Variants in CEP128 observed in about 807,000 individuals in gnomAD.
CEP128 encodes the protein centrosomal protein 128kDa.
CEP128 carries 132 observed loss-of-function variants against 156.7 expected under a neutral mutation model. The observed-to-expected ratio is 0.84, with a 90% CI of 0.73 to 0.97. CEP128 has a LOEUF of 0.97. Among genes scored for constraint, CEP128 ranks in the 50% least tolerant of loss-of-function variants. CEP128 has a pLI of 0.00. For synonymous variants in CEP128, 469 were observed against 448.9 expected, an observed-to-expected ratio of 1.04 and a Z score of -0.57; for missense variants, 1,252 against 1,281.9, an observed-to-expected ratio of 0.98 and a Z score of 0.36.
At chr14:80,530,578 T>C (rs2140275775) in intron 22 of CEP128, among the ~76,000 whole-genome samples, 1 of 152,346 alleles carries the variant, frequency 6.6e-6, no homozygotes, top group South Asian at 2.1e-4. Context: ...ACTGAGCTTC[T>C]AGTAGTACAG....
intron 19 of CEP128, among the ~76,000 whole-genome samples, chr14:80,714,307 C>G (rs1370256565): frequency 6.6e-6 from 1 of 151,884 alleles, no homozygotes. Flanking sequence ...AAAACACACA[C>G]ACATACACAC....
intron 16 of CEP128, among the ~76,000 whole-genome samples, chr14:80,773,588 ATTTT>A (rs900033598): frequency 4.6e-5 from 7 of 152,196 alleles, no homozygotes; most frequent in Admixed American, 2.0e-4. Flanking sequence ...TTGCAAACGA[ATTTT>A]TTTAATTACA....
At position 80,590,258 on chromosome 14, in the gene CEP128, A is replaced by G. The variant is rs967254776; in HGVS notation, c.2807-9835T>C. On this transcript the variant is annotated intron_variant, in intron 19 of 24. Coordinates refer to ENST00000555265, the MANE Select transcript of CEP128 (RefSeq NM_152446.5). Reference sequence around the variant, plus strand: ...ACGTAACTCTTGGATTGAAGAACCTATGTGAACCCGAAAGAAGATAAATAT... The same window carrying G: ...ACGTAACTCTTGGATTGAAGAACCTGTGTGAACCCGAAAGAAGATAAATAT... Among the ~76,000 whole-genome samples the G allele has an allele frequency of 3.3e-5, 5 of 152,274 alleles. No individual in the cohort carries two copies. The East Asian group carries it at 9.6e-4, about 29-fold the overall frequency.
chr14:80,901,002 C>G (rs1459514129), intron 6 of CEP128, among the ~76,000 whole-genome samples: 1 of 151,642 alleles, frequency 6.6e-6, no homozygotes, highest in East Asian at 1.9e-4. Flanking sequence ...GTCAGGAGAT[C>G]GAGACCATCC....
intron 2 of CEP128, among the ~76,000 whole-genome samples, chr14:80,954,462 A>G (rs1461620508): frequency 6.6e-6 from 1 of 152,194 alleles, no homozygotes. Flanking sequence ...TTTTAAATGT[A>G]CGGTTTAATG....
chr14:80,568,049 T>A (rs562876310), intron 20 of CEP128, among the ~76,000 whole-genome samples: 2 of 152,192 alleles, frequency 1.3e-5, no homozygotes, highest in African/African-American at 4.8e-5. Context: ...GATTATGGCA[T>A]AATTTATGAG....
intron 19 of CEP128, among the ~76,000 whole-genome samples, chr14:80,729,162 C>T (rs912195522): frequency 6.1e-5 from 9 of 147,714 alleles, no homozygotes; most frequent in Admixed American, 2.8e-4. Flanking sequence ...CCCTCACCCC[C>T]CTCCCATGCT....
chr14:80,717,037 T>C (rs547057922), intron 19 of CEP128, among the ~76,000 whole-genome samples: 2 of 152,334 alleles, frequency 1.3e-5, no homozygotes, highest in East Asian at 3.9e-4. Context: ...GAACTGTCTA[T>C]TCAGACCTTT....
At chr14:80,533,838 A>C (rs1265287070) in intron 21 of CEP128, among the ~76,000 whole-genome samples, 1 of 152,136 alleles carries the variant, frequency 6.6e-6, no homozygotes, top group Non-Finnish European at 1.5e-5. Context: ...TATTCTAGTC[A>C]ATTAACAACA....
downstream of CEP128, among the ~76,000 whole-genome samples, chr14:80,487,005 G>A (rs576432815): frequency 6.6e-6 from 1 of 152,166 alleles, no homozygotes; most frequent in Non-Finnish European, 1.5e-5. Context: ...ATAATGACAG[G>A]ACCAAATACA....
At chr14:80,612,809 T>C (rs527263757) in intron 19 of CEP128, among the ~76,000 whole-genome samples, 1 of 152,256 alleles carries the variant, frequency 6.6e-6, no homozygotes, top group African/African-American at 2.4e-5. Context: ...CTAAAATCCA[T>C]AAAGATCTCA....
intron 18 of CEP128, among the ~76,000 whole-genome samples, chr14:80,750,963 TAAG>T (rs1480081884): frequency 4.6e-5 from 7 of 152,238 alleles, no homozygotes; most frequent in Admixed American, 3.9e-4. Flanking sequence ...CCTGTCCTTA[TAAG>T]AAGAAGAGAT....
intron 19 of CEP128, among the ~76,000 whole-genome samples, chr14:80,672,257 T>C (rs551236926): frequency 6.6e-6 from 1 of 152,000 alleles, no homozygotes; most frequent in African/African-American, 2.4e-5. Context: ...CTCTTGTTTC[T>C]CTCTGAAATT....
Position 80,941,562 on chromosome 14 carries a change from G to A in CEP128, c.-172+19C>T, listed in dbSNP as rs1050972012. On this transcript the variant is annotated intron_variant, in intron 1 of 24. Coordinates refer to ENST00000555265, the MANE Select transcript of CEP128 (RefSeq NM_152446.5). Reference sequence around the variant, plus strand: ...GGGAAGTGGTCGAAAAAGGGCAAGGGGGAGGTGGGGGCAGGTACCTGAGAC... The same window carrying A: ...GGGAAGTGGTCGAAAAAGGGCAAGGAGGAGGTGGGGGCAGGTACCTGAGAC... 2.0e-5 allele frequency: 3 copies of A among 152,758 alleles called. No homozygotes were observed. The highest frequency in any genetic ancestry group is 7.2e-5 in the African/African-American group (3 of 41,424). The allele number at this position is 152,758 out of a possible 1,614,324, so 9.5% of individuals were successfully genotyped here.
intron 20 of CEP128, among the ~76,000 whole-genome samples, chr14:80,579,232 T>C (rs1891485723): frequency 6.6e-6 from 1 of 152,200 alleles, no homozygotes; most frequent in Non-Finnish European, 1.5e-5. Flanking sequence ...CTATGCTTTT[T>C]ATAACAACAA....
At chr14:80,590,501 GA>G (rs1054936323) in intron 19 of CEP128, among the ~76,000 whole-genome samples, 3 of 151,836 alleles carry the variant, frequency 2.0e-5, no homozygotes, top group African/African-American at 7.3e-5. Flanking sequence ...TATATCTAGT[GA>G]AAATACTGTT....
At chr14:80,504,146 T>C (rs1441054541) in intron 24 of CEP128, among the ~76,000 whole-genome samples, 1 of 152,164 alleles carries the variant, frequency 6.6e-6, no homozygotes, top group East Asian at 1.9e-4. Flanking sequence ...TAGATAAATG[T>C]GGACTTAACA....
In CEP128 at chr14:80,821,698, T is replaced by C. The variant is rs375283668; in HGVS notation, c.1209+9445A>G. Among the ~76,000 whole-genome samples the C allele has an allele frequency of 2.7e-5, 4 of 150,132 alleles. No individual in the cohort carries two copies. The East Asian group carries it at 5.9e-4, about 22-fold the overall frequency. ...CATTTAATTTTTTTTTTTTAAGAGA[T>C]GAAGTCTTGCTCTTCCACCCAGACT... On this transcript the variant is annotated intron_variant, in intron 13 of 24. Coordinates refer to ENST00000555265, the MANE Select transcript of CEP128 (RefSeq NM_152446.5).
chr14:80,519,935 T>C (rs1888659235), intron 23 of CEP128, among the ~76,000 whole-genome samples: 1 of 152,218 alleles, frequency 6.6e-6, no homozygotes, highest in South Asian at 2.1e-4. Flanking sequence ...AGGAAATTAC[T>C]GTTCTCACAT....
Sources: gnomAD v4.1 joint callset for allele counts (sites outside exome capture counted in the v4.1 genomes callset) on GRCh38, gnomAD v4.1.1 for gene constraint, MANE v1.5 for transcripts, NCBI Gene and HGNC (gene_info 2026-07-23, HGNC 2026-07-21) for gene names.